Variants in TRAPPC12 observed in about 807,000 individuals in gnomAD.
TRAPPC12 encodes trafficking protein particle complex subunit 12, also known as TPR repeat protein 15.
Under a neutral mutation model 69.2 loss-of-function variants are expected in TRAPPC12, and 61 were observed. The ratio of observed to expected loss-of-function variants is 0.88; its 90% CI spans 0.72 to 1.09. TRAPPC12 has a LOEUF of 1.09. TRAPPC12 is among the 50% of genes least tolerant of loss of function. The probability of loss-of-function intolerance (pLI) is 0.00; values close to 1 mark genes in which losing one functional copy is unlikely to be tolerated. For missense variants in TRAPPC12, 1,101 were observed against 1,016.4 expected (o/e 1.08, Z -1.13); for synonymous variants, 469 against 438.9 (o/e 1.07, Z -0.86).
intron 1 of TRAPPC12, among the ~76,000 whole-genome samples, chr2:3,380,186 C>T (rs4854186): frequency 0.43 from 64,824 of 151,876 alleles, 14,261 homozygotes; most frequent in Admixed American, 0.49. Context: ...TACCCGCTGG[C>T]GCGCGCCCAG....
At chr2:3,457,975 C>T (rs1168959632) in intron 7 of TRAPPC12, 9 of 1,302,314 alleles carry the variant, frequency 6.9e-6, no homozygotes, top group Non-Finnish European at 8.8e-6. Context: ...GCTGAGTGGT[C>T]TGAGTGGGCG....
intron 7 of TRAPPC12, chr2:3,459,793 G>A: frequency 3.9e-6 from 1 of 257,184 alleles, no homozygotes; most frequent in Non-Finnish European, 7.6e-6. Flanking sequence ...TGGTCGGGAG[G>A]CAGGGGAGGC....
intron 1 of TRAPPC12, among the ~76,000 whole-genome samples, chr2:3,380,249 G>A (rs144983864): frequency 6.8e-4 from 104 of 151,882 alleles, no homozygotes; most frequent in African/African-American, 2.3e-3. Flanking sequence ...CCCCCAGCAA[G>A]CCCCTTAACT....
intron 5 of TRAPPC12, among the ~76,000 whole-genome samples, chr2:3,428,525 TTG>T (rs1485137822): frequency 1.3e-5 from 2 of 152,216 alleles, no homozygotes; most frequent in African/African-American, 4.8e-5. Flanking sequence ...GGCGTAATTT[TTG>T]CCCATTCAGA....
intron 9 of TRAPPC12, among the ~76,000 whole-genome samples, chr2:3,469,588 A>G (rs1202964881): frequency 6.6e-6 from 1 of 152,204 alleles, no homozygotes; most frequent in Non-Finnish European, 1.5e-5. Context: ...CAGCAAGAAT[A>G]GCACTGCCAG....
intron 1 of TRAPPC12, among the ~76,000 whole-genome samples, chr2:3,384,303 T>C (rs1283995886): frequency 1.3e-5 from 2 of 152,212 alleles, no homozygotes; most frequent in South Asian, 4.1e-4. Context: ...ATTGTAGCTT[T>C]TAGTTATTTT....
At chr2:3,385,515 A>G (rs943674240) in intron 1 of TRAPPC12, among the ~76,000 whole-genome samples, 3 of 152,064 alleles carry the variant, frequency 2.0e-5, no homozygotes, top group Non-Finnish European at 4.4e-5. Flanking sequence ...GTTTTTTGTT[A>G]TTATATCTCT....
rs769530714 is a variant in TRAPPC12 at position 3,457,773 on chromosome 2, C to T, written c.1603+80C>T. ...GAGCCCAAAGCCTCTCGCTTCCTCT[C>T]CTTCTCCTTTCCTTTCTGTAGTCAG... On this transcript the variant is annotated intron_variant, in intron 7 of 11. Coordinates refer to ENST00000324266, the MANE Select transcript of TRAPPC12 (RefSeq NM_016030.6). 2.2e-5 allele frequency: 35 copies of T among 1,566,098 alleles called. No individual in the cohort carries two copies. In the Middle Eastern group the frequency reaches 1.0e-3, roughly 45 times the overall value.
In TRAPPC12 at chr2:3,383,871, G is replaced by GTTTTTTTTTTTTTTTTTTTTTT. The variant is rs34956958; in HGVS notation, c.-4-3729_-4-3708dup. ...TATTCCCTTGTGATAGTTCAGTCTTGTTTTTTTTTTTTTTTTTTTTTTTTT... is the reference window on the plus strand; with the variant it reads ...TATTCCCTTGTGATAGTTCAGTCTTGTTTTTTTTTTTTTTTTTTTTTTTTTTTTTTTTTTTTTTTTTTTTTTT... On this transcript the variant is annotated intron_variant, in intron 1 of 11. Coordinates refer to ENST00000324266, the MANE Select transcript of TRAPPC12 (RefSeq NM_016030.6). Among the ~76,000 whole-genome samples the GTTTTTTTTTTTTTTTTTTTTTT allele has an allele frequency of 1.4e-4, 12 of 85,588 alleles. 2 individuals carry two copies. The highest frequency in any genetic ancestry group is 2.3e-4 in the Non-Finnish European group (10 of 42,898). The allele number at this position is 85,588 out of a possible 152,430, so 56.1% of individuals were successfully genotyped here.
intron 9 of TRAPPC12, among the ~76,000 whole-genome samples, chr2:3,474,520 G>A (rs1005093646): frequency 1.2e-4 from 19 of 152,144 alleles, no homozygotes; most frequent in South Asian, 2.1e-4. Flanking sequence ...CCTTGACAGC[G>A]CCCAAGGAGG....
intron 2 of TRAPPC12, among the ~76,000 whole-genome samples, chr2:3,394,279 T>C (rs1157769363): frequency 6.6e-6 from 1 of 152,016 alleles, no homozygotes; most frequent in Non-Finnish European, 1.5e-5. Flanking sequence ...CTGAAAATAG[T>C]CTTTAGGTAG....
At chr2:3,477,866 T>G (rs4535074) in intron 10 of TRAPPC12, 71 bp downstream of exon 10, 1 of 1,060,636 alleles carries the variant, frequency 9.4e-7, no homozygotes. Flanking sequence ...CTTACTGAGT[T>G]GGAAAGCTCC....
At chr2:3,436,635 C>T (rs1663801287) in intron 5 of TRAPPC12, among the ~76,000 whole-genome samples, 1 of 151,912 alleles carries the variant, frequency 6.6e-6, no homozygotes, top group Non-Finnish European at 1.5e-5. Context: ...GGTGTTGTCC[C>T]TTCTGTGGGT....
rs1197313455 is a variant in TRAPPC12, at chr2:3,387,995, A to G, written c.372A>G (p.Ala124=). The G allele has an allele frequency of 1.4e-6, 2 of 1,472,074 alleles. No homozygotes were observed. The highest frequency in any genetic ancestry group is 2.7e-5 in the East Asian group (1 of 36,496). The allele number at this position is 1,472,074 out of a possible 1,614,324, so 91.2% of individuals were successfully genotyped here. The change falls in exon 2 of 12, where the codon GCA becomes GCG. Residue 124 remains alanine (A), a synonymous_variant. Coordinates refer to ENST00000324266, the MANE Select transcript of TRAPPC12 (RefSeq NM_016030.6). ...ADGDCAPEDA[A]PSSGGAPRQD... ...GCGACTGTGCCCCCGAGGACGCGGC[A>G]CCCAGTAGCGGAGGGGCCCCGAGGC...
chr2:3,453,299 A>G (rs1257941228), intron 6 of TRAPPC12, among the ~76,000 whole-genome samples: 4 of 152,198 alleles, frequency 2.6e-5, no homozygotes, highest in Non-Finnish European at 4.4e-5. Context: ...AGACAGCTCC[A>G]TGGAGCTCCT....
chr2:3,439,955 A>G lies in TRAPPC12; in HGVS notation c.1418-3824A>G, dbSNP rs560695122. ...TTTTGGAAAAACCTGTCCTTTCTCCATTGAATTACCTTTATTCCTTTGTCA... is the reference window on the plus strand; with the variant it reads ...TTTTGGAAAAACCTGTCCTTTCTCCGTTGAATTACCTTTATTCCTTTGTCA... On this transcript the variant is annotated intron_variant, in intron 5 of 11. Coordinates refer to ENST00000324266, the MANE Select transcript of TRAPPC12 (RefSeq NM_016030.6). Among the ~76,000 whole-genome samples the G allele has an allele frequency of 2.0e-5, 3 of 151,358 alleles. No homozygotes were observed. The South Asian group carries it at 6.3e-4, about 32-fold the overall frequency.
chr2:3,455,121 C>CCA (rs1466908500), intron 6 of TRAPPC12: 1 of 152,290 alleles, frequency 6.6e-6, no homozygotes, highest in Non-Finnish European at 1.5e-5. Context: ...AGGGCGCTGT[C>CCA]AGGTCTGGTT....
rs1052445054 is a variant in TRAPPC12 at position 3,388,909 on chromosome 2, A to G, written c.1047+239A>G. The stretch of plus-strand genomic sequence containing the variant: ...GTAGAAATAAATACCACCAAGGCAG[A>G]CAGTTCTACCGTAATTCTCTCAGTC... On this transcript the variant is annotated intron_variant, in intron 2 of 11. Coordinates refer to ENST00000324266, the MANE Select transcript of TRAPPC12 (RefSeq NM_016030.6). The G allele has an allele frequency of 8.8e-6, 4 of 453,504 alleles. No homozygotes were observed. In the Admixed American group the frequency reaches 1.2e-4, roughly 14 times the overall value. 28.1% of individuals were successfully genotyped at this position (453,504 alleles called of 1,614,324 possible). A position where few individuals can be genotyped will look rare whatever the true frequency, so the allele number is the denominator to read the frequency against.
At chr2:3,390,099 C>T (rs545865969) in intron 2 of TRAPPC12, among the ~76,000 whole-genome samples, 1 of 152,266 alleles carries the variant, frequency 6.6e-6, no homozygotes, top group African/African-American at 2.4e-5. Context: ...CAGTCCCTTA[C>T]GTGGGTTTAT....
Sources: allele counts gnomAD v4.1 joint callset (sites outside exome capture counted in the v4.1 genomes callset), GRCh38; gene constraint gnomAD v4.1.1; transcripts MANE v1.5; gene names NCBI Gene and HGNC (gene_info 2026-07-23, HGNC 2026-07-21).